The following POTEF variants were observed in gnomAD, a reference collection of about 807,000 sequenced individuals.
POTEF encodes the protein POTE ankyrin domain family member F, also known as ANKRD26-like family C member 1B.
A neutral mutation model predicts 83.2 loss-of-function variants in POTEF; 20 were observed. The ratio of observed to expected loss-of-function variants is 0.24; its 90% CI spans 0.17 to 0.35. The LOEUF (loss-of-function observed/expected upper bound fraction) is 0.35, where lower values mean the gene tolerates loss of function less well. Among genes scored for constraint, POTEF ranks in the 10% least tolerant of loss-of-function variants. The probability of loss-of-function intolerance (pLI) is 1.00; values close to 1 mark genes in which losing one functional copy is unlikely to be tolerated. For missense variants in POTEF, 550 were observed against 1,203.2 expected (o/e 0.46, Z 8.03); for synonymous variants, 196 against 446.4 (o/e 0.44, Z 7.07).
intron 5 of POTEF, among the ~76,000 whole-genome samples, chr2:130,113,894 G>T (rs1295496345): frequency 1.3e-5 from 2 of 151,706 alleles, no homozygotes; most frequent in African/African-American, 4.9e-5. Flanking sequence ...AGGAGTAGGA[G>T]AGAGACCCAT....
At chr2:130,125,391 A>G (rs916091828) in intron 2 of POTEF, among the ~76,000 whole-genome samples, 5 of 150,032 alleles carry the variant, frequency 3.3e-5, no homozygotes, top group African/African-American at 5.1e-5. Context: ...TATCAACGGT[A>G]TATTACATGC....
intron 3 of POTEF, among the ~76,000 whole-genome samples, chr2:130,116,306 T>C (rs1684843039): frequency 6.6e-6 from 1 of 151,070 alleles, no homozygotes; most frequent in African/African-American, 2.5e-5. Context: ...ATAAATTTTC[T>C]CCTTTTAAAA....
intron 6 of POTEF, among the ~76,000 whole-genome samples, chr2:130,111,229 C>T (rs1485762702): frequency 6.6e-6 from 1 of 150,704 alleles, no homozygotes; most frequent in Non-Finnish European, 1.5e-5. Flanking sequence ...TCATATATGA[C>T]AACATATTTG....
At position 130,075,570 on chromosome 2, in the gene POTEF, A is replaced by G. The variant is rs1178695754; in HGVS notation, c.1902T>C (p.Leu634=). ...IEVVEKMNSE[L]SLSCKKEKDI... Reference sequence around the variant, plus strand: ...CTTTTTCTTTCTTACAACTAAGAGAAAGCTAAGTAAACAAAGAGAACTTTT... The same window carrying G: ...CTTTTTCTTTCTTACAACTAAGAGAGAGCTAAGTAAACAAAGAGAACTTTT... The change falls in exon 17 of 17, where the codon CTT becomes CTC. Residue 634 remains leucine, a splice_region_variant and synonymous_variant. Transcript: ENST00000409914. The G allele has an allele frequency of 1.1e-5, 17 of 1,609,008 alleles. No homozygotes were observed. Among genetic ancestry groups the G allele is most frequent in the Non-Finnish European group, 1.4e-5 (17 of 1,179,024 alleles).
chr2:130,113,137 T>G (rs1466430766), intron 5 of POTEF, among the ~76,000 whole-genome samples: 1 of 133,928 alleles, frequency 7.5e-6, no homozygotes, highest in Non-Finnish European at 1.5e-5. Flanking sequence ...ATCCTAGCAT[T>G]TGGGGAGGCT....
At chr2:130,104,663 G>T (rs1444757753) in intron 8 of POTEF, among the ~76,000 whole-genome samples, 3 of 151,498 alleles carry the variant, frequency 2.0e-5, no homozygotes, top group South Asian at 2.1e-4. Flanking sequence ...CTCCTTGCTC[G>T]CTCTTTTCTG....
intron 2 of POTEF, among the ~76,000 whole-genome samples, chr2:130,121,186 G>C (rs560861354): frequency 1.3e-5 from 2 of 151,068 alleles, no homozygotes; most frequent in Admixed American, 6.6e-5. Flanking sequence ...CACAGACACT[G>C]GCCGATGCAT....
rs551911081 is a variant in POTEF, at chr2:130,102,433, T to TA, written c.1127-254dup. On this transcript the variant is annotated intron_variant, in intron 8 of 16. Transcript: ENST00000409914. ...AACCACCAGAAACACAACTTTAAAATACAGTAGAAGCATCTAAGGTAACAC... is the reference window on the plus strand; with the variant it reads ...AACCACCAGAAACACAACTTTAAAATAACAGTAGAAGCATCTAAGGTAACAC... Among the ~76,000 whole-genome samples, 199 of 123,032 alleles carry TA rather than the reference T, an allele frequency of 1.6e-3. 1 individual carries two copies. The highest frequency in any genetic ancestry group is 6.1e-3 in the African/African-American group (191 of 31,338). The allele number at this position is 123,032 out of a possible 152,430, so 80.7% of individuals were successfully genotyped here. A position where few individuals can be genotyped will look rare whatever the true frequency, so the allele number is the denominator to read the frequency against.
At chr2:130,126,950 G>A (rs1685105992) in intron 2 of POTEF, among the ~76,000 whole-genome samples, 1 of 151,996 alleles carries the variant, frequency 6.6e-6, no homozygotes, top group Admixed American at 6.5e-5. Flanking sequence ...GCAGGAATTA[G>A]AAGGCCTATT....
intron 1 of POTEF, among the ~76,000 whole-genome samples, chr2:130,128,587 C>T (rs1344032194): frequency 2.7e-5 from 4 of 149,232 alleles, no homozygotes; most frequent in African/African-American, 7.4e-5. Flanking sequence ...GTGTAGCACC[C>T]GATAGTGCCC....
At chr2:130,103,568 G>A (rs13430472) in intron 8 of POTEF, among the ~76,000 whole-genome samples, 2,172 of 141,824 alleles carry the variant, frequency 0.015, 145 homozygotes, top group African/African-American at 0.057. Context: ...TGTCTGTCCC[G>A]TCTGCTCCAA....
chr2:130,092,899 G>A (rs1178242763), intron 12 of POTEF, among the ~76,000 whole-genome samples: 6 of 85,544 alleles, frequency 7.0e-5, no homozygotes, highest in East Asian at 6.1e-4. Flanking sequence ...ACAACTCCCC[G>A]GCCACAGACT....
intron 11 of POTEF, among the ~76,000 whole-genome samples, chr2:130,096,531 A>G (rs1684240538): frequency 6.8e-6 from 1 of 147,998 alleles, no homozygotes; most frequent in Middle Eastern, 3.6e-3. Flanking sequence ...GTGATACCCA[A>G]TAACTAACCA....
In POTEF at chr2:130,073,774, AG is replaced by A. The variant is rs1461692526; in HGVS notation, c.*469del. On this transcript the variant is annotated 3_prime_UTR_variant, in exon 17 of 17. Transcript: ENST00000409914. ...TACACCCCAAGTTGGGGTACAAAAG[AG>A]GGGGGCCACGAAGGCTGATCATTCA... Among the ~76,000 whole-genome samples, 2 of 148,608 alleles carry A rather than the reference AG, an allele frequency of 1.3e-5. No homozygotes were observed. Among genetic ancestry groups the A allele is most frequent in the Admixed American group, 6.7e-5 (1 of 14,828 alleles).
intron 15 of POTEF, among the ~76,000 whole-genome samples, chr2:130,077,405 G>A (rs1449925596): frequency 6.6e-6 from 1 of 152,252 alleles, no homozygotes; most frequent in Non-Finnish European, 1.5e-5. Flanking sequence ...AATTTTTCCA[G>A]GAACCTGAGG....
chr2:130,111,660 G>T (rs1275364966), intron 6 of POTEF, among the ~76,000 whole-genome samples: 1 of 150,670 alleles, frequency 6.6e-6, no homozygotes, highest in African/African-American at 2.5e-5. Flanking sequence ...TATTAGAAAG[G>T]GTTAAGAAGT....
intron 2 of POTEF, among the ~76,000 whole-genome samples, chr2:130,126,782 G>A (rs1685101316): frequency 6.6e-6 from 1 of 151,934 alleles, no homozygotes; most frequent in South Asian, 2.1e-4. Context: ...GACAATTTTG[G>A]CTTGTTGTTT....
chr2:130,125,270 T>C (rs996775280), intron 2 of POTEF, among the ~76,000 whole-genome samples: 1 of 144,440 alleles, frequency 6.9e-6, no homozygotes, highest in Non-Finnish European at 1.5e-5. Context: ...ATGGACACAA[T>C]GTATTGAGAA....
Position 130,107,993 on chromosome 2 carries a change from C to T in POTEF, c.1126+16G>A. On this transcript the variant is annotated intron_variant, in intron 8 of 16. Transcript: ENST00000409914. Reference sequence around the variant, plus strand: ...GGGGACAACTGACTAAAGTAATTCACTATCACAAGTCTTACCTGGATTGCT... The same window carrying T: ...GGGGACAACTGACTAAAGTAATTCATTATCACAAGTCTTACCTGGATTGCT... The T allele has an allele frequency of 6.2e-7, 1 of 1,606,960 alleles. No homozygotes were observed. Among genetic ancestry groups the T allele is most frequent in the Non-Finnish European group, 8.5e-7 (1 of 1,177,856 alleles).
Sources: allele counts gnomAD v4.1 joint callset (sites outside exome capture counted in the v4.1 genomes callset), GRCh38; gene constraint gnomAD v4.1.1; transcripts MANE v1.5; gene names NCBI Gene and HGNC (gene_info 2026-07-23, HGNC 2026-07-21).